The following DMD variants were observed in gnomAD, a reference collection of about 807,000 sequenced individuals.
DMD encodes mutant dystrophin.
In DMD, 63 loss-of-function variants were observed where a neutral mutation model predicts 330.1. The observed-to-expected ratio is 0.19, with a 90% confidence interval of 0.16 to 0.24. DMD has a LOEUF of 0.24. Ranked by LOEUF, DMD falls within the 10% of genes least tolerant of loss-of-function variation. The pLI, the probability that DMD is intolerant of heterozygous loss-of-function variation, is 1.00. For synonymous variants in DMD, 1,223 were observed against 959.8 expected (o/e 1.27, Z -5.07); for missense variants, 3,344 against 2,684.1 (o/e 1.25, Z -5.43).
intron 9 of DMD, 48 bp downstream of exon 9, chrX:32,697,822 T>A (rs2063766945): frequency 8.3e-7 from 1 of 1,204,551 alleles, no homozygotes; most frequent in Non-Finnish European, 1.1e-6. Flanking sequence ...TAGATTATCT[T>A]GGAAGCAGTT....
At chrX:31,325,239 T>C (rs1286386989) in intron 61 of DMD, among the ~76,000 whole-genome samples, 1 of 110,257 alleles carries the variant, frequency 9.1e-6, no homozygotes, top group African/African-American at 3.3e-5. Flanking sequence ...TCTTGTCCTT[T>C]TTTCTTCTGT....
chrX:33,145,089 A>G (rs1308041136), intron 1 of DMD, among the ~76,000 whole-genome samples: 1 of 112,207 alleles, frequency 8.9e-6, no homozygotes, highest in Non-Finnish European at 1.9e-5. Context: ...CGAGTGAGAT[A>G]CTATACTAGG....
chrX:32,404,458 CA>C (rs1360273483), intron 30 of DMD, among the ~76,000 whole-genome samples: 2 of 110,777 alleles, frequency 1.8e-5, no homozygotes, highest in Admixed American at 9.7e-5. Flanking sequence ...CACGAGGTTA[CA>C]AAAAAATGAG....
At chrX:32,446,934 A>C (rs945260198) in intron 27 of DMD, among the ~76,000 whole-genome samples, 2 of 110,810 alleles carry the variant, frequency 1.8e-5, no homozygotes, top group African/African-American at 6.5e-5. Context: ...ATGAGAAGGA[A>C]ATGGAAAAAT....
chrX:31,809,149 A>G (rs2092383266), intron 50 of DMD, among the ~76,000 whole-genome samples: 1 of 69,938 alleles, frequency 1.4e-5, no homozygotes, highest in Non-Finnish European at 2.6e-5. Context: ...ATATGAGTTT[A>G]TATATAAATA....
At chrX:31,438,977 T>TA (rs1241068921) in intron 60 of DMD, among the ~76,000 whole-genome samples, 3 of 111,293 alleles carry the variant, frequency 2.7e-5, no homozygotes, top group Non-Finnish European at 3.8e-5. Flanking sequence ...TTAGTTTTTT[T>TA]AAAATGAAGC....
chrX:32,794,956 G>A (rs1018884334), intron 7 of DMD, among the ~76,000 whole-genome samples: 10 of 111,927 alleles, frequency 8.9e-5, no homozygotes, highest in Non-Finnish European at 1.3e-4. Flanking sequence ...GTTTAGCCCA[G>A]GAGGGAAAGG....
At chrX:31,535,382 T>G (rs1351628410) in intron 55 of DMD, among the ~76,000 whole-genome samples, 3 of 48,505 alleles carry the variant, frequency 6.2e-5, no homozygotes, top group African/African-American at 2.5e-4. Flanking sequence ...AAACAAGCAA[T>G]GGGGAAAGGA....
chrX:32,627,315 A>T (rs1434656575), intron 11 of DMD, among the ~76,000 whole-genome samples: 3 of 103,748 alleles, frequency 2.9e-5, no homozygotes, highest in African/African-American at 4.1e-5. Context: ...ATGCACAAAC[A>T]TGCGTTTACT....
chrX:33,253,692 T>C (rs1411382630), intron 1 of DMD, among the ~76,000 whole-genome samples: 1 of 111,240 alleles, frequency 9.0e-6, no homozygotes, highest in Non-Finnish European at 1.9e-5. Context: ...AAAATTCTGA[T>C]GGCCTCTCGA....
intron 44 of DMD, among the ~76,000 whole-genome samples, chrX:32,184,015 T>A (rs2096936894): frequency 1.8e-5 from 2 of 110,588 alleles, no homozygotes; most frequent in Admixed American, 1.9e-4. Context: ...GCATTCGAAA[T>A]GTACTTTTCA....
chrX:32,030,618 G>A, intron 44 of DMD, among the ~76,000 whole-genome samples: 1 of 111,540 alleles, frequency 9.0e-6, no homozygotes, highest in Middle Eastern at 4.7e-3. Flanking sequence ...CTTGTAACTT[G>A]GAATCATTAT....
chrX:31,539,960 A>G (rs6527099), intron 55 of DMD, among the ~76,000 whole-genome samples: 32,371 of 110,339 alleles, frequency 0.29, 4,092 homozygotes, highest in African/African-American at 0.47. Flanking sequence ...GGAACTTCTT[A>G]GGGGTGGGAG....
intron 1 of DMD, among the ~76,000 whole-genome samples, chrX:33,217,638 T>C (rs2052081926): frequency 9.1e-6 from 1 of 110,214 alleles, no homozygotes; most frequent in African/African-American, 3.3e-5. Context: ...AGATTTAATA[T>C]GAGATCTACC....
At chrX:33,244,612 T>C (rs766274590) in intron 1 of DMD, among the ~76,000 whole-genome samples, 1 of 112,146 alleles carries the variant, frequency 8.9e-6, no homozygotes, top group East Asian at 2.8e-4. Context: ...CAATTGTGAA[T>C]AAATTGTTTG....
At chrX:31,967,448 G>A (rs1439859657) in intron 45 of DMD, among the ~76,000 whole-genome samples, 1 of 108,064 alleles carries the variant, frequency 9.3e-6, no homozygotes, top group African/African-American at 3.4e-5. Flanking sequence ...AGAGGAGGTG[G>A]GCAAAGACAA....
intron 1 of DMD, among the ~76,000 whole-genome samples, chrX:33,022,438 T>C (rs1168484151): frequency 9.0e-6 from 1 of 110,947 alleles, no homozygotes; most frequent in African/African-American, 3.3e-5. Flanking sequence ...TATAAACATC[T>C]TTGCTAGTTG....
intron 12 of DMD, among the ~76,000 whole-genome samples, chrX:32,603,431 A>T (rs1258150382): frequency 5.4e-5 from 6 of 111,633 alleles, no homozygotes; most frequent in Admixed American, 3.8e-4. Context: ...AAATTAGCAA[A>T]CTAATATTGT....
chrX:32,748,738 G>T (rs1383964830), intron 7 of DMD, among the ~76,000 whole-genome samples: 1 of 112,057 alleles, frequency 8.9e-6, no homozygotes, highest in Admixed American at 9.5e-5. Context: ...AATTATCCCA[G>T]AATTGCCCTC....
Sources: gnomAD v4.1 joint callset for allele counts (sites outside exome capture counted in the v4.1 genomes callset) on GRCh38, gnomAD v4.1.1 for gene constraint, MANE v1.5 for transcripts, NCBI Gene and HGNC (gene_info 2026-07-23, HGNC 2026-07-21) for gene names.